The following NIPBL variants were observed in gnomAD, a reference collection of about 807,000 sequenced individuals.
The protein encoded by NIPBL is NIPBL cohesin loading factor.
In NIPBL, 19 loss-of-function variants were observed where a neutral mutation model predicts 321.8. The ratio of observed to expected loss-of-function variants is 0.06; its 90% CI spans 0.04 to 0.09. NIPBL has a LOEUF of 0.09. NIPBL is among the 10% of genes least tolerant of loss of function. The pLI is 1.00. For synonymous variants in NIPBL, 1,106 were observed against 1,114.1 expected (o/e 0.99, Z 0.14); for missense variants, 2,210 against 3,327.0 (o/e 0.66, Z 8.26).
intron 30 of NIPBL, among the ~76,000 whole-genome samples, chr5:37,025,786 G>A (rs916815810): frequency 6.6e-6 from 1 of 151,814 alleles, no homozygotes; most frequent in Admixed American, 6.6e-5. Flanking sequence ...TCATAAATGT[G>A]TACAGCTATT....
chr5:36,895,884 A>G (rs1183851783), intron 1 of NIPBL, among the ~76,000 whole-genome samples: 1 of 152,174 alleles, frequency 6.6e-6, no homozygotes, highest in Non-Finnish European at 1.5e-5. Context: ...GTGATTTGCA[A>G]TATTTGCTCC....
At chr5:37,008,757 A>C (rs1230389320) in intron 20 of NIPBL, 34 bp downstream of exon 20, 2 of 1,020,522 alleles carry the variant, frequency 2.0e-6, no homozygotes, top group Non-Finnish European at 3.1e-6. Context: ...AGTTTAATGA[A>C]GAACCACCAT....
chr5:36,966,246 C>A (rs2149612829), intron 6 of NIPBL, among the ~76,000 whole-genome samples: 1 of 152,130 alleles, frequency 6.6e-6, no homozygotes, highest in East Asian at 1.9e-4. Context: ...ACACCTTTTT[C>A]ACCCCATGAC....
chr5:36,959,024 G>C (rs1741300215), intron 4 of NIPBL, among the ~76,000 whole-genome samples: 3 of 151,922 alleles, frequency 2.0e-5, no homozygotes, highest in African/African-American at 4.8e-5. Context: ...TGGGCAACAT[G>C]GTGAAAACCT....
chr5:37,019,112 AAAAC>A (rs1274997495), intron 24 of NIPBL, among the ~76,000 whole-genome samples, 195 bp from the exon 25 acceptor site: 1 of 152,188 alleles, frequency 6.6e-6, no homozygotes, highest in Non-Finnish European at 1.5e-5. Flanking sequence ...CAAAAAAAGT[AAAAC>A]AAAAAAGGCA....
rs900207537 is a variant in NIPBL, at chr5:37,026,434, A to C, written c.5808+107A>C. On this transcript the variant is annotated intron_variant, in intron 31 of 46. Transcript: ENST00000282516. ...ATAATGAGATATTTCATTAATCTTG[A>C]CATTTCGTACTGCTGCCTTTACTTT... is the stretch of plus-strand genomic sequence containing the variant. The C allele has an allele frequency of 4.0e-5, 29 of 727,258 alleles. 1 individual carries two copies. The highest frequency in any genetic ancestry group is 5.8e-5 in the Non-Finnish European group (23 of 398,098). 45.1% of individuals were successfully genotyped at this position (727,258 alleles called of 1,614,324 possible).
chr5:37,006,618 A>C (rs531076687), intron 17 of NIPBL, 30 bp downstream of exon 17: 2 of 1,483,198 alleles, frequency 1.3e-6, no homozygotes, highest in African/African-American at 2.8e-5. Flanking sequence ...AAATTATTGT[A>C]AATTTTTGCC....
At chr5:36,987,223 GTTTA>G (rs886108756) in intron 10 of NIPBL, among the ~76,000 whole-genome samples, 6 of 152,184 alleles carry the variant, frequency 3.9e-5, no homozygotes, top group East Asian at 1.9e-4. Flanking sequence ...AGAACTGAGA[GTTTA>G]TTTAAGTTTT....
intron 10 of NIPBL, among the ~76,000 whole-genome samples, chr5:36,986,538 G>A (rs1744829910): frequency 6.6e-6 from 1 of 151,754 alleles, no homozygotes; most frequent in South Asian, 2.1e-4. Context: ...GAATGTTACT[G>A]CTATTTGGTT....
At chr5:36,893,874 A>G (rs553822689) in intron 1 of NIPBL, among the ~76,000 whole-genome samples, 4 of 152,294 alleles carry the variant, frequency 2.6e-5, no homozygotes, top group African/African-American at 9.6e-5. Context: ...AAGTTAGGGT[A>G]GGAGATAGTG....
intron 4 of NIPBL, among the ~76,000 whole-genome samples, chr5:36,960,701 TA>T (rs1426961387): frequency 2.2e-4 from 33 of 152,188 alleles, no homozygotes; most frequent in Admixed American, 9.2e-4. Context: ...AGATTGGCTA[TA>T]GAAATCATAA....
chr5:37,019,209 T>C, intron 24 of NIPBL, 102 bp from the exon 25 acceptor site: 1 of 790,900 alleles, frequency 1.3e-6, no homozygotes, highest in East Asian at 2.6e-5. Flanking sequence ...TGTATTTTCA[T>C]TTTTAATATC....
In NIPBL at chr5:37,008,013, A is replaced by G. The variant is rs138440449; in HGVS notation, c.4245A>G (p.Ser1415=). 2 of 1,600,810 alleles carry G rather than the reference A, an allele frequency of 1.2e-6. No individual in the cohort carries two copies. The highest frequency in any genetic ancestry group is 1.7e-5 in the Admixed American group (1 of 59,948). ...LLTDTTILQV[S]SMGITPFFVE... ...TACTCTTCTTTTTTAAACAGGTTTC[A>G]TCTATGGGAATAACACCATTTTTTG... The change falls in exon 19 of 47, where the codon TCA becomes TCG. Residue 1415 remains serine (S), a synonymous_variant. Transcript: ENST00000282516.
At position 36,985,564 on chromosome 5, in the gene NIPBL, C is replaced by T; in HGVS notation, c.2384C>T (p.Ser795Leu). The change falls in exon 10 of 47, where the codon TCA becomes TTA. Residue 795 changes from serine to leucine, a missense_variant. This residue lies in a region of NIPBL where 588 missense variants were observed against 564.1 expected (regional missense o/e 1.04). Transcript: ENST00000282516. ...DTKSDSPRLKSERAEALKQRP... is the reference protein window; with the variant it reads ...DTKSDSPRLKLERAEALKQRP... Reference sequence around the variant, plus strand: ...AAATCTGACTCACCTCGGTTAAAATCAGAACGAGCTGAAGCCTTAAAGCAG... The same window carrying T: ...AAATCTGACTCACCTCGGTTAAAATTAGAACGAGCTGAAGCCTTAAAGCAG... 6.2e-7 allele frequency: 1 copy of T among 1,613,850 alleles called. No homozygotes were observed. The highest frequency in any genetic ancestry group is 8.5e-7 in the Non-Finnish European group (1 of 1,179,972).
chr5:36,896,699 A>G (rs159435), intron 1 of NIPBL, among the ~76,000 whole-genome samples: 4,698 of 152,212 alleles, frequency 0.031, 238 homozygotes, highest in African/African-American at 0.11. Flanking sequence ...TCCCTGGTTC[A>G]AGTGATTATT....
At chr5:36,942,658 A>G (rs892367585) in intron 1 of NIPBL, among the ~76,000 whole-genome samples, 7 of 149,772 alleles carry the variant, frequency 4.7e-5, no homozygotes, top group Non-Finnish European at 1.0e-4. Context: ...CGAGAATCAC[A>G]TGAACCTTGG....
chr5:37,053,044 C>A lies in NIPBL; in HGVS notation c.7263+478C>A, dbSNP rs542610131. 1.3e-4 allele frequency among the ~76,000 whole-genome samples: 20 copies of A among 152,192 alleles called. No individual in the cohort carries two copies. In the South Asian group the frequency reaches 4.1e-3, roughly 32 times the overall value. On this transcript the variant is annotated intron_variant, in intron 42 of 46. Transcript: ENST00000282516. ...TCATTAAAGATACATTTCATGACCC[C>A]CAGTGGATGCATGAAACCATGGATA...
intron 17 of NIPBL, 126 bp from the exon 18 acceptor site, chr5:37,007,196 AG>A (rs1470765012): frequency 1.4e-6 from 1 of 731,848 alleles, no homozygotes; most frequent in African/African-American, 1.8e-5. Context: ...ATAAATAAAA[AG>A]CTTTATCTTC....
intron 30 of NIPBL, among the ~76,000 whole-genome samples, chr5:37,025,438 C>T (rs969158540): frequency 6.6e-6 from 1 of 151,982 alleles, no homozygotes; most frequent in Admixed American, 6.5e-5. Flanking sequence ...CACATATTTT[C>T]ACTCATGCGT....
Sources: gnomAD v4.1 joint callset for allele counts (sites outside exome capture counted in the v4.1 genomes callset) on GRCh38, gnomAD v4.1.1 for gene constraint, gnomAD v4.1.1 regional missense constraint, MANE v1.5 for transcripts, NCBI Gene and HGNC (gene_info 2026-07-23, HGNC 2026-07-21) for gene names.